ATRNL1: variants seen among roughly 807,000 people sequenced by gnomAD.
ATRNL1 encodes attractin-like protein 1.
ATRNL1 carries 95 observed loss-of-function variants against 182.7 expected under a neutral mutation model. That is an observed-to-expected ratio of 0.52 (90% CI 0.44 to 0.62). The LOEUF (loss-of-function observed/expected upper bound fraction) is 0.62, where lower values mean the gene tolerates loss of function less well. Among genes scored for constraint, ATRNL1 ranks in the 20% least tolerant of loss-of-function variants. The pLI is 0.00. For missense variants in ATRNL1, 1,471 were observed against 1,679.5 expected (o/e 0.88, Z 2.17); for synonymous variants, 576 against 568.3 (o/e 1.01, Z -0.19).
At chr10:115,752,362 A>T (rs2907525) in intron 27 of ATRNL1, among the ~76,000 whole-genome samples, 30,170 of 151,990 alleles carry the variant, frequency 0.2, 3,080 homozygotes, top group Non-Finnish European at 0.22. Context: ...TTAGTTATAT[A>T]TTCAACAAAT....
chr10:115,721,290 G>T (rs1419330921), intron 26 of ATRNL1, among the ~76,000 whole-genome samples: 1 of 152,094 alleles, frequency 6.6e-6, no homozygotes, highest in Non-Finnish European at 1.5e-5. Flanking sequence ...ATTTTACTTT[G>T]AGTGATAACG....
At chr10:115,769,261 C>T (rs1948929560) in intron 27 of ATRNL1, among the ~76,000 whole-genome samples, 1 of 152,136 alleles carries the variant, frequency 6.6e-6, no homozygotes, top group South Asian at 2.1e-4. Context: ...GCCTATTAAT[C>T]ATGCATTGCT....
At chr10:115,492,010 C>G (rs1395536507) in intron 24 of ATRNL1, among the ~76,000 whole-genome samples, 2 of 152,160 alleles carry the variant, frequency 1.3e-5, no homozygotes, top group Non-Finnish European at 2.9e-5. Context: ...CCTCTGACCT[C>G]TTGGCTTCCC....
At chr10:115,824,617 C>A (rs1950383976) in intron 27 of ATRNL1, among the ~76,000 whole-genome samples, 1 of 152,018 alleles carries the variant, frequency 6.6e-6, no homozygotes, top group Non-Finnish European at 1.5e-5. Context: ...AGGATATGAA[C>A]AGACACTTCT....
At chr10:115,125,581 C>T (rs1844934222) in intron 3 of ATRNL1, among the ~76,000 whole-genome samples, 2 of 151,706 alleles carry the variant, frequency 1.3e-5, no homozygotes, top group African/African-American at 2.4e-5. Flanking sequence ...AATTTGAGGC[C>T]TAGAAAGATT....
At chr10:115,803,362 G>GA (rs1479468007) in intron 27 of ATRNL1, among the ~76,000 whole-genome samples, 15 of 152,238 alleles carry the variant, frequency 9.9e-5, no homozygotes, top group African/African-American at 3.1e-4. Context: ...CAACAGTCAT[G>GA]AAAGTAAAAG....
At chr10:115,680,077 A>G (rs1945998537) in intron 26 of ATRNL1, among the ~76,000 whole-genome samples, 1 of 152,102 alleles carries the variant, frequency 6.6e-6, no homozygotes, top group Non-Finnish European at 1.5e-5. Context: ...CAATTTTCTC[A>G]TAATCTGCCT....
At chr10:115,567,470 A>G (rs781889592) in intron 26 of ATRNL1, among the ~76,000 whole-genome samples, 4 of 152,144 alleles carry the variant, frequency 2.6e-5, no homozygotes, top group Non-Finnish European at 5.9e-5. Flanking sequence ...TTGCAGATCT[A>G]TTTTATGCAG....
chr10:115,823,562 T>C (rs2134289373), intron 27 of ATRNL1, among the ~76,000 whole-genome samples: 1 of 152,304 alleles, frequency 6.6e-6, no homozygotes, highest in South Asian at 2.1e-4. Context: ...TTTAAGCTGA[T>C]AAGCAACTTC....
intron 5 of ATRNL1, among the ~76,000 whole-genome samples, chr10:115,146,083 C>G (rs1845958488): frequency 6.6e-6 from 1 of 151,572 alleles, no homozygotes; most frequent in Non-Finnish European, 1.5e-5. Flanking sequence ...TTTAAAATAC[C>G]CAAAATTATA....
At chr10:115,291,474 A>G (rs1852900372) in intron 15 of ATRNL1, among the ~76,000 whole-genome samples, 1 of 152,160 alleles carries the variant, frequency 6.6e-6, no homozygotes, top group African/African-American at 2.4e-5. Context: ...TATTATTTTC[A>G]GGTACATTCC....
chr10:115,362,530 T>A (rs530674914), intron 19 of ATRNL1, among the ~76,000 whole-genome samples: 27 of 151,918 alleles, frequency 1.8e-4, no homozygotes, highest in Non-Finnish European at 2.9e-4. Context: ...TTTTTTTTTT[T>A]TTATTATACT....
At chr10:115,843,845 A>G (rs1319301496) in intron 27 of ATRNL1, among the ~76,000 whole-genome samples, 1 of 152,050 alleles carries the variant, frequency 6.6e-6, no homozygotes, top group Non-Finnish European at 1.5e-5. Flanking sequence ...CCTACCTATT[A>G]CAGGCAATAT....
At position 115,221,458 on chromosome 10, in the gene ATRNL1, T is replaced by C. The variant is rs186390683; in HGVS notation, c.1532+5578T>C. 1.2e-4 allele frequency among the ~76,000 whole-genome samples: 18 copies of C among 152,278 alleles called. 1 individual carries two copies. The highest frequency in any genetic ancestry group is 1.0e-3 in the Admixed American group (16 of 15,288). The stretch of plus-strand genomic sequence containing the variant: ...GTTTTGAGGACTTATTCTTTTTCAG[T>C]GGTGAAATGAATTCTTTTGGACTGT... On this transcript the variant is annotated intron_variant, in intron 9 of 28. Transcript: ENST00000355044.
chr10:115,825,853 C>T (rs541036267), intron 27 of ATRNL1, among the ~76,000 whole-genome samples: 3 of 152,224 alleles, frequency 2.0e-5, no homozygotes, highest in South Asian at 4.2e-4. Flanking sequence ...GCCTATGTAT[C>T]GTTGCATTGT....
chr10:115,425,970 A>T (rs540745651), intron 20 of ATRNL1, among the ~76,000 whole-genome samples: 1 of 152,046 alleles, frequency 6.6e-6, no homozygotes, highest in Non-Finnish European at 1.5e-5. Context: ...GCTCATAATT[A>T]TATTTCATCT....
chr10:115,787,987 G>A (rs1949436574), intron 27 of ATRNL1, among the ~76,000 whole-genome samples: 1 of 152,166 alleles, frequency 6.6e-6, no homozygotes, highest in Non-Finnish European at 1.5e-5. Flanking sequence ...CCACAATTGT[G>A]AGAAAATCCA....
chr10:115,878,113 A>C (rs1455727802), intron 28 of ATRNL1, among the ~76,000 whole-genome samples: 3 of 152,196 alleles, frequency 2.0e-5, no homozygotes, highest in Non-Finnish European at 4.4e-5. Flanking sequence ...CTGCAGATCT[A>C]GTTTGAAGAT....
intron 18 of ATRNL1, among the ~76,000 whole-genome samples, chr10:115,321,365 G>A (rs183047770): frequency 6.6e-6 from 1 of 152,242 alleles, no homozygotes; most frequent in Admixed American, 6.5e-5. Context: ...TTTGATATGT[G>A]AGGGCTTATT....
Sources: allele counts gnomAD v4.1 joint callset (sites outside exome capture counted in the v4.1 genomes callset), GRCh38; gene constraint gnomAD v4.1.1; transcripts MANE v1.5; gene names NCBI Gene and HGNC (gene_info 2026-07-23, HGNC 2026-07-21).